POLN: variants seen among roughly 807,000 people sequenced by gnomAD.
POLN encodes DNA polymerase nu.
Under a neutral mutation model 113.5 loss-of-function variants are expected in POLN, and 108 were observed. The ratio of observed to expected loss-of-function variants is 0.95; its 90% CI spans 0.81 to 1.12. The LOEUF (loss-of-function observed/expected upper bound fraction) is 1.12. POLN is among the 50% of genes most tolerant of loss of function. The probability of loss-of-function intolerance (pLI) is 0.00; values close to 1 mark genes in which losing one functional copy is unlikely to be tolerated. For synonymous variants in POLN, 386 were observed against 391.5 expected (o/e 0.99, Z 0.17); for missense variants, 1,097 against 1,077.1 (o/e 1.02, Z -0.26).
At chr4:2,241,145 TA>T in intron 2 of POLN, 2 of 496,508 alleles carry the variant, frequency 4.0e-6, no homozygotes, top group Non-Finnish European at 7.0e-6. Context: ...ACAGTGTTTT[TA>T]AAAAGAAGAC....
intron 4 of POLN, among the ~76,000 whole-genome samples, chr4:2,212,504 A>G (rs1313486396): frequency 6.6e-6 from 1 of 152,022 alleles, no homozygotes; most frequent in Non-Finnish European, 1.5e-5. Context: ...CCTCCTGAGT[A>G]GCTGGGACTA....
rs1577686858 is a variant in POLN, at chr4:2,093,045, T to C, written c.2065+2806A>G. On this transcript the variant is annotated intron_variant, in intron 20 of 25. Coordinates refer to ENST00000511885, the MANE Select transcript of POLN (RefSeq NM_181808.4). The surrounding 1 kb of genome is among the most constrained non-coding windows in gnomAD (Gnocchi z 4.1). ...GCAGCCAAATTACCCTTTTCAACAT[T>C]ATGGCTAATGACTCAGTGCTTATTT... Among the ~76,000 whole-genome samples, 3 of 152,146 alleles carry C rather than the reference T, an allele frequency of 2.0e-5. No individual in the cohort carries two copies. Among genetic ancestry groups the C allele is most frequent in the Admixed American group, 2.0e-4 (3 of 15,294 alleles).
intron 19 of POLN, among the ~76,000 whole-genome samples, chr4:2,098,569 A>G (rs1167544855): frequency 1.3e-5 from 2 of 152,230 alleles, no homozygotes; most frequent in African/African-American, 2.4e-5. Context: ...ATCCATGGGT[A>G]ATGGGTTAGC....
intron 16 of POLN, among the ~76,000 whole-genome samples, chr4:2,139,049 T>C (rs1731930702): frequency 6.6e-6 from 1 of 151,594 alleles, no homozygotes; most frequent in Non-Finnish European, 1.5e-5. Context: ...GCTCATGCAG[T>C]GGACTCCGAG....
At chr4:2,173,729 C>T (rs922152917) in intron 11 of POLN, among the ~76,000 whole-genome samples, 1 of 152,104 alleles carries the variant, frequency 6.6e-6, no homozygotes, top group African/African-American at 2.4e-5. Context: ...TGAGGAGGAT[C>T]CTGAGGAGCC....
At position 2,090,195 on chromosome 4, in the gene POLN, A is replaced by G. The variant is rs138434521; in HGVS notation, c.2066-4451T>C. On this transcript the variant is annotated intron_variant, in intron 20 of 25. Transcript: ENST00000511885. ...AAAATAAGACTCCTTACCTTTTGCTATCTTTCCTGTAGATACTCTTCCCTC... is the reference window on the plus strand; with the variant it reads ...AAAATAAGACTCCTTACCTTTTGCTGTCTTTCCTGTAGATACTCTTCCCTC... 225 of 894,910 alleles carry G rather than the reference A, an allele frequency of 2.5e-4. No homozygotes were observed. In the East Asian group the frequency reaches 5.5e-3, roughly 22 times the overall value. 55.4% of individuals were successfully genotyped at this position (894,910 alleles called of 1,614,324 possible). A position where few individuals can be genotyped will look rare whatever the true frequency, so the allele number is the denominator to read the frequency against.
At chr4:2,133,159 A>AAT (rs1227115000) in intron 16 of POLN, among the ~76,000 whole-genome samples, 10 of 151,660 alleles carry the variant, frequency 6.6e-5, no homozygotes, top group African/African-American at 9.7e-5. Context: ...AAAAAAAAAA[A>AAT]AAAATAACAT....
rs1336352997 is a variant in POLN at position 2,089,017 on chromosome 4, A to G, written c.2066-3273T>C. 2.4e-5 allele frequency: 21 copies of G among 877,682 alleles called. No individual in the cohort carries two copies. In the East Asian group the frequency reaches 5.5e-4, roughly 23 times the overall value. 54.4% of individuals were successfully genotyped at this position (877,682 alleles called of 1,614,324 possible). A position where few individuals can be genotyped will look rare whatever the true frequency, so the allele number is the denominator to read the frequency against. ...CTTTATTGTTTTTCTCATTATCCTT[A>G]GCAAAATTGGATTTCTTCCCTAGCT... is the stretch of plus-strand genomic sequence containing the variant. On this transcript the variant is annotated intron_variant, in intron 20 of 25. Transcript: ENST00000511885.
rs545057273 is a variant in POLN, at chr4:2,212,700, C to G, written c.213+347G>C. ...TGCATCCAGCCTAGGTCGATCACCT[C>G]CTAATTATCCAATAGATCTCAACTC... is the stretch of plus-strand genomic sequence containing the variant. On this transcript the variant is annotated intron_variant, in intron 4 of 25. Transcript: ENST00000511885. 2.0e-3 allele frequency among the ~76,000 whole-genome samples: 305 copies of G among 152,136 alleles called. 2 individuals are homozygous for G. Among genetic ancestry groups the G allele is most frequent in the African/African-American group, 6.1e-3 (252 of 41,520 alleles).
chr4:2,122,202 A>AAC (rs1015617123), intron 19 of POLN, among the ~76,000 whole-genome samples: 25 of 152,178 alleles, frequency 1.6e-4, no homozygotes, highest in Admixed American at 1.4e-3. Flanking sequence ...ACAAAGCTCA[A>AAC]ACCAAGAGGC....
At position 2,156,805 on chromosome 4, in the gene POLN, G is replaced by C; in HGVS notation, c.1714C>G (p.Leu572Val). Residue 572 changes from leucine (L) to valine (V), a missense_variant, in exon 16 of 26, where the codon CTT becomes GTT. Physicochemically the swap from Leu to Val is conservative, Grantham distance 32. Coordinates refer to ENST00000511885, the MANE Select transcript of POLN (RefSeq NM_181808.4). ...WNQTGTVTGR[L>V]SAKHPNIQGI... ...CAACTTACAGGATGCTTGGCTGAAAGTCTTCCAGTCACAGTTCCAGTCTGA... is the reference window on the plus strand; with the variant it reads ...CAACTTACAGGATGCTTGGCTGAAACTCTTCCAGTCACAGTTCCAGTCTGA... The C allele has an allele frequency of 6.2e-7, 1 of 1,613,102 alleles. No individual in the cohort carries two copies. Among genetic ancestry groups the C allele is most frequent in the East Asian group, 2.2e-5 (1 of 44,886 alleles).
chr4:2,098,678 T>A (rs1730853469), intron 19 of POLN, among the ~76,000 whole-genome samples: 1 of 152,194 alleles, frequency 6.6e-6, no homozygotes, highest in African/African-American at 2.4e-5. Flanking sequence ...CAGGTTGGCA[T>A]GCATGCACAA....
chr4:2,184,219 C>T (rs1733217010), intron 7 of POLN, among the ~76,000 whole-genome samples: 2 of 145,990 alleles, frequency 1.4e-5, no homozygotes, highest in African/African-American at 5.1e-5. Flanking sequence ...ACAGCCAACA[C>T]CAAGACACAG....
At chr4:2,188,629 CA>C (rs980833305) in intron 7 of POLN, among the ~76,000 whole-genome samples, 20 of 151,166 alleles carry the variant, frequency 1.3e-4, no homozygotes, top group African/African-American at 3.2e-4. Context: ...AAAAACAAAA[CA>C]AAACAAAAAA....
rs1433172491 is a variant in POLN, at chr4:2,127,048, C to A, written c.1982+1065G>T. Among the ~76,000 whole-genome samples the A allele has an allele frequency of 6.6e-6, 1 of 152,024 alleles. No homozygotes were observed. Among genetic ancestry groups the A allele is most frequent in the Non-Finnish European group, 1.5e-5 (1 of 67,982 alleles). ...CGATCCCCATGATCTGCTTCCTCAT[C>A]TCCCACCCCCAGGTGCTGGGCAGCC... On this transcript the variant is annotated intron_variant, in intron 19 of 25. Transcript: ENST00000511885. This position sits in a 1 kb window ranked among gnomAD's most constrained non-coding sequence, Gnocchi z 4.7.
At chr4:2,107,217 T>C (rs913185086) in intron 19 of POLN, among the ~76,000 whole-genome samples, 3 of 152,210 alleles carry the variant, frequency 2.0e-5, no homozygotes, top group African/African-American at 7.2e-5. Context: ...GTTTTAATAG[T>C]TTTTAATAGT....
At chr4:2,108,057 G>C (rs558215881) in intron 19 of POLN, among the ~76,000 whole-genome samples, 1 of 152,148 alleles carries the variant, frequency 6.6e-6, no homozygotes, top group Non-Finnish European at 1.5e-5. Context: ...GATTTCTCCT[G>C]ACTCCTAAAC....
At chr4:2,131,934 G>A (rs1348316265) in intron 16 of POLN, among the ~76,000 whole-genome samples, 1 of 152,154 alleles carries the variant, frequency 6.6e-6, no homozygotes, top group Non-Finnish European at 1.5e-5. Context: ...GCAGTACCTT[G>A]GACAATAATA....
intron 19 of POLN, among the ~76,000 whole-genome samples, chr4:2,112,899 G>A (rs1233448475): frequency 9.2e-5 from 14 of 152,114 alleles, no homozygotes; most frequent in Non-Finnish European, 2.1e-4. Flanking sequence ...TATACCCAAA[G>A]GATTAGAAAT....
Sources: allele counts gnomAD v4.1 joint callset (sites outside exome capture counted in the v4.1 genomes callset), GRCh38; gene constraint gnomAD v4.1.1; non-coding constraint Gnocchi (gnomAD v3.1); transcripts MANE v1.5; gene names NCBI Gene and HGNC (gene_info 2026-07-23, HGNC 2026-07-21).